The following MTHFD2L variants were observed in gnomAD, a reference collection of about 807,000 sequenced individuals.
MTHFD2L encodes bifunctional methylenetetrahydrofolate dehydrogenase/cyclohydrolase 2, mitochondrial.
Under a neutral mutation model 34.9 loss-of-function variants are expected in MTHFD2L, and 29 were observed. The observed-to-expected ratio is 0.83, with a 90% confidence interval of 0.62 to 1.13. The LOEUF (loss-of-function observed/expected upper bound fraction) is 1.13, where lower values mean the gene tolerates loss of function less well. MTHFD2L is among the 50% of genes most tolerant of loss of function. The pLI is 0.00. For synonymous variants in MTHFD2L, 167 were observed against 155.7 expected (o/e 1.07, Z -0.54); for missense variants, 481 against 446.5 (o/e 1.08, Z -0.70).
intron 7 of MTHFD2L, among the ~76,000 whole-genome samples, chr4:74,297,290 G>C (rs1351112134): frequency 2.0e-5 from 3 of 151,998 alleles, no homozygotes; most frequent in East Asian, 3.8e-4. Flanking sequence ...TTTGGTGATT[G>C]TTTATTTGTC....
intron 3 of MTHFD2L, among the ~76,000 whole-genome samples, chr4:74,176,971 T>C (rs1729166394): frequency 6.6e-6 from 1 of 152,018 alleles, no homozygotes; most frequent in Non-Finnish European, 1.5e-5. Flanking sequence ...GCTTTTGTGC[T>C]GTTTACATTA....
intron 5 of MTHFD2L, among the ~76,000 whole-genome samples, chr4:74,206,120 T>C (rs1735251004): frequency 6.7e-6 from 1 of 149,156 alleles, no homozygotes; most frequent in Non-Finnish European, 1.5e-5. Context: ...AGTAACTTTA[T>C]TAACCAAAAC....
chr4:74,168,931 G>T (rs2109932514), intron 1 of MTHFD2L, among the ~76,000 whole-genome samples: 1 of 152,308 alleles, frequency 6.6e-6, no homozygotes, highest in South Asian at 2.1e-4. Flanking sequence ...GAATGTGTGA[G>T]TTGACTAGTT....
chr4:74,139,105 G>A (rs960597300), intron 1 of MTHFD2L, among the ~76,000 whole-genome samples: 2 of 152,132 alleles, frequency 1.3e-5, no homozygotes, highest in Non-Finnish European at 2.9e-5. Context: ...GGGTATGTTT[G>A]CATAGACAGT....
chr4:74,290,228 G>A (rs905026972), intron 7 of MTHFD2L, among the ~76,000 whole-genome samples: 1 of 152,180 alleles, frequency 6.6e-6, no homozygotes, highest in Non-Finnish European at 1.5e-5. Flanking sequence ...GGTCAGGAAA[G>A]GGTTTGGAAT....
At chr4:74,238,679 A>T (rs191997305) in intron 6 of MTHFD2L, among the ~76,000 whole-genome samples, 320 of 152,348 alleles carry the variant, frequency 2.1e-3, no homozygotes, top group African/African-American at 7.5e-3. Flanking sequence ...TGGGCAAAGG[A>T]TATGAACAGA....
At chr4:74,285,684 T>C (rs1329131966) in intron 7 of MTHFD2L, among the ~76,000 whole-genome samples, 4 of 152,152 alleles carry the variant, frequency 2.6e-5, no homozygotes, top group African/African-American at 9.6e-5. Flanking sequence ...TTTTTAAAGG[T>C]CACTAAACAA....
At position 74,281,425 on chromosome 4, in the gene MTHFD2L, G is replaced by A. The variant is rs1373688369; in HGVS notation, c.806G>A (p.Gly269Asp). The change falls in exon 7 of 8, where the codon GGT becomes GAT. Residue 269 changes from glycine to aspartate, a missense_variant and splice_region_variant. Physicochemically the swap from Gly to Asp is moderately conservative, Grantham distance 94. Transcript: ENST00000325278. ...QLADIIIVAAGIPKLITSDMV... is the reference protein window; with the variant it reads ...QLADIIIVAADIPKLITSDMV... ...GACAAACAACTCTTTTTGTTTTCAG[G>A]TATTCCAAAGTTGATTACGTCTGAT... 4 of 1,609,200 alleles carry A rather than the reference G, an allele frequency of 2.5e-6. No individual in the cohort carries two copies. In the South Asian group the frequency reaches 4.4e-5, roughly 18 times the overall value.
Position 74,159,909 on chromosome 4 carries a change from G to A in MTHFD2L, c.143+1628G>A, listed in dbSNP as rs923289560. 3 of 240,184 alleles carry A rather than the reference G, an allele frequency of 1.2e-5. No individual in the cohort carries two copies. The East Asian group carries it at 3.9e-4, about 31-fold the overall frequency. The allele number at this position is 240,184 out of a possible 1,614,324, so 14.9% of individuals were successfully genotyped here. A position where few individuals can be genotyped will look rare whatever the true frequency, so the allele number is the denominator to read the frequency against. On this transcript the variant is annotated intron_variant, in intron 1 of 7. Transcript: ENST00000325278. ...CTAGGCAAGTTAAGATAAGGCGGGG[G>A]TTTTGACGCCCTCTTTGTACTGAAT...
chr4:74,185,411 T>G (rs529286031), intron 3 of MTHFD2L, among the ~76,000 whole-genome samples: 1 of 151,884 alleles, frequency 6.6e-6, no homozygotes, highest in African/African-American at 2.4e-5. Flanking sequence ...ATCTTATACT[T>G]TAAGATGGTA....
At chr4:74,280,137 A>G (rs560725775) in intron 6 of MTHFD2L, 5 of 152,160 alleles carry the variant, frequency 3.3e-5, no homozygotes, top group Non-Finnish European at 7.4e-5. Context: ...ATAGAATAAT[A>G]AAGATGATCA....
At chr4:74,164,599 A>T (rs1055956868) in intron 1 of MTHFD2L, among the ~76,000 whole-genome samples, 2 of 152,214 alleles carry the variant, frequency 1.3e-5, no homozygotes, top group Non-Finnish European at 2.9e-5. Context: ...CAGCCCATGA[A>T]CTTTTAGCCA....
intron 1 of MTHFD2L, chr4:74,161,655 G>C (rs1725493409): frequency 1.3e-5 from 2 of 152,204 alleles, no homozygotes; most frequent in Non-Finnish European, 2.9e-5. Flanking sequence ...ACATGAAAAA[G>C]AGGGACTAGT....
chr4:74,213,989 T>G (rs987894783), intron 5 of MTHFD2L, among the ~76,000 whole-genome samples: 1 of 151,326 alleles, frequency 6.6e-6, no homozygotes, highest in Non-Finnish European at 1.5e-5. Flanking sequence ...TTTCTTCCAC[T>G]TGATCAATTC....
chr4:74,117,247 G>A (rs564581101), intron 2 of MTHFD2L, among the ~76,000 whole-genome samples: 6 of 152,170 alleles, frequency 3.9e-5, no homozygotes, highest in African/African-American at 4.8e-5. Context: ...ACCTGGCCTC[G>A]GACACAGAAT....
intron 3 of MTHFD2L, chr4:74,183,944 G>A (rs1368846287): frequency 2.0e-5 from 3 of 152,110 alleles, no homozygotes; most frequent in African/African-American, 7.2e-5. Context: ...TTGTATGGAA[G>A]AAATGGTGGA....
At chr4:74,243,105 A>G (rs1741942470) in intron 6 of MTHFD2L, among the ~76,000 whole-genome samples, 1 of 152,228 alleles carries the variant, frequency 6.6e-6, no homozygotes, top group African/African-American at 2.4e-5. Context: ...GTCAAGTGTT[A>G]GGATTGCTGT....
intron 1 of MTHFD2L, among the ~76,000 whole-genome samples, chr4:74,138,488 G>A (rs2109827066): frequency 6.6e-6 from 1 of 152,294 alleles, no homozygotes; most frequent in South Asian, 2.1e-4. Context: ...CATGGGTCAT[G>A]GTAGAGAACT....
upstream of MTHFD2L, among the ~76,000 whole-genome samples, chr4:74,118,441 C>G (rs1424803139): frequency 1.3e-5 from 2 of 152,244 alleles, no homozygotes; most frequent in Middle Eastern, 3.4e-3. Context: ...TCAGTAGAAA[C>G]AGAGCAAAGG....
Sources: gnomAD v4.1 joint callset for allele counts (sites outside exome capture counted in the v4.1 genomes callset) on GRCh38, gnomAD v4.1.1 for gene constraint, MANE v1.5 for transcripts, NCBI Gene and HGNC (gene_info 2026-07-23, HGNC 2026-07-21) for gene names.